The following ECT2 variants were observed in gnomAD, a reference collection of about 807,000 sequenced individuals.
The protein encoded by ECT2 is epithelial cell transforming 2.
In ECT2, 61 loss-of-function variants were observed where a neutral mutation model predicts 116.9. The observed-to-expected ratio is 0.52, with a 90% CI of 0.42 to 0.65. The LOEUF is 0.65. Ranked by LOEUF, ECT2 falls within the 30% of genes least tolerant of loss-of-function variation. The probability of loss-of-function intolerance (pLI) is 0.00; values close to 1 mark genes in which losing one functional copy is unlikely to be tolerated. For synonymous variants in ECT2, 358 were observed against 346.4 expected (o/e 1.03, Z -0.37); for missense variants, 937 against 1,078.7 (o/e 0.87, Z 1.84).
At chr3:172,803,885 G>T (rs1340790626) in intron 20 of ECT2, among the ~76,000 whole-genome samples, 1 of 151,348 alleles carries the variant, frequency 6.6e-6, no homozygotes, top group Admixed American at 6.6e-5. Flanking sequence ...GCTCACTGCA[G>T]CCTTGACTTC....
chr3:172,798,531 A>G (rs1029676095), intron 18 of ECT2, among the ~76,000 whole-genome samples: 2 of 152,190 alleles, frequency 1.3e-5, no homozygotes, highest in African/African-American at 4.8e-5. Flanking sequence ...CAAGCAGAAT[A>G]AAAATGAATT....
At chr3:172,754,396 TA>T in intron 1 of ECT2, 112 bp from the exon 2 acceptor site, 3 of 759,670 alleles carry the variant, frequency 3.9e-6, no homozygotes, top group Non-Finnish European at 6.0e-6. Context: ...TTTGGTTCAT[TA>T]AAAAAATGGG....
intron 2 of ECT2, among the ~76,000 whole-genome samples, chr3:172,755,089 G>A (rs927599130): frequency 1.3e-5 from 2 of 151,600 alleles, no homozygotes; most frequent in African/African-American, 4.9e-5. Context: ...TGTATACCCT[G>A]CTACAATATG....
chr3:172,799,225 G>C (rs1188394013), intron 18 of ECT2, among the ~76,000 whole-genome samples: 1 of 152,064 alleles, frequency 6.6e-6, no homozygotes, highest in Non-Finnish European at 1.5e-5. Context: ...AATGGGAACT[G>C]TACTGTTTCT....
rs770288275 is a variant in ECT2, at chr3:172,786,610, A to G, written c.1907+36A>G. 38 of 1,383,358 alleles carry G rather than the reference A, an allele frequency of 2.7e-5. 1 individual carries two copies. Among genetic ancestry groups the G allele is most frequent in the Non-Finnish European group, 3.7e-5 (36 of 983,116 alleles). The allele number at this position is 1,383,358 out of a possible 1,614,324, so 85.7% of individuals were successfully genotyped here. Reference sequence around the variant, plus strand: ...TATTTTCAATTTTTGATTGTGCCTTAGATTTCGAATGGAATTGATAGAAAA... The same window carrying G: ...TATTTTCAATTTTTGATTGTGCCTTGGATTTCGAATGGAATTGATAGAAAA... On this transcript the variant is annotated intron_variant, in intron 18 of 24. Coordinates refer to ENST00000392692, the MANE Select transcript of ECT2 (RefSeq NM_001258315.2).
chr3:172,756,817 T>G (rs530773355), intron 4 of ECT2, among the ~76,000 whole-genome samples, 166 bp from the exon 5 acceptor site: 1 of 152,232 alleles, frequency 6.6e-6, no homozygotes, highest in African/African-American at 2.4e-5. Context: ...GAAATATGGT[T>G]GTTCATTAAG....
intron 18 of ECT2, chr3:172,796,575 C>T (rs1725689362): frequency 6.6e-6 from 1 of 152,168 alleles, no homozygotes; most frequent in Admixed American, 6.5e-5. Flanking sequence ...CAGGCATTTT[C>T]TGTTTCGTCT....
At chr3:172,801,640 C>T (rs1726739442) in intron 18 of ECT2, among the ~76,000 whole-genome samples, 1 of 152,234 alleles carries the variant, frequency 6.6e-6, no homozygotes, top group Non-Finnish European at 1.5e-5. Flanking sequence ...TCACACTGGA[C>T]TCCCACATTT....
intron 22 of ECT2, among the ~76,000 whole-genome samples, chr3:172,814,894 G>A (rs992253222): frequency 6.6e-6 from 1 of 152,114 alleles, no homozygotes; most frequent in Non-Finnish European, 1.5e-5. Flanking sequence ...TAGAACAACA[G>A]AACTTATTTC....
At chr3:172,778,229 C>T (rs1461736240) in intron 14 of ECT2, among the ~76,000 whole-genome samples, 3 of 152,188 alleles carry the variant, frequency 2.0e-5, no homozygotes, top group Non-Finnish European at 4.4e-5. Context: ...TCTGCTCTGT[C>T]TCAGAACTGT....
At chr3:172,786,686 A>G (rs1021650008) in intron 18 of ECT2, 112 bp downstream of exon 18, 2 of 685,516 alleles carry the variant, frequency 2.9e-6, no homozygotes, top group African/African-American at 1.8e-5. Flanking sequence ...TAAAATGTCT[A>G]GATTATTTTT....
chr3:172,816,830 CATT>C lies in ECT2; in HGVS notation c.2650_2652del (p.Leu884del), dbSNP rs1340451040. The C allele has an allele frequency of 1.3e-5, 20 of 1,579,084 alleles. No individual in the cohort carries two copies. The highest frequency in any genetic ancestry group is 1.7e-5 in the Non-Finnish European group (20 of 1,158,164). ...ATGAGTCGTCTTTCTAGCACATCAT[CATT>C]AGCAGTAAGTTATTTTGATTTAATG... is the stretch of plus-strand genomic sequence containing the variant. On this transcript the variant is annotated inframe_deletion, in exon 24 of 25. Transcript: ENST00000392692.
intron 22 of ECT2, 42 bp from the exon 23 acceptor site, chr3:172,815,562 T>C: frequency 8.0e-7 from 1 of 1,246,442 alleles, no homozygotes; most frequent in Non-Finnish European, 1.1e-6. Flanking sequence ...TTAGAAACAG[T>C]TGTGTGTTTT....
chr3:172,771,305 C>G (rs867100187), intron 13 of ECT2: 9 of 152,040 alleles, frequency 5.9e-5, no homozygotes, highest in South Asian at 2.1e-4. Flanking sequence ...TAAAAACAGA[C>G]CTAGGGAAAG....
intron 18 of ECT2, among the ~76,000 whole-genome samples, chr3:172,797,005 A>G (rs970557909): frequency 2.3e-5 from 3 of 128,992 alleles, no homozygotes; most frequent in African/African-American, 8.6e-5. Context: ...TCAGATTCAT[A>G]TATCAGGTTC....
intron 12 of ECT2, among the ~76,000 whole-genome samples, chr3:172,767,227 GT>G (rs1719610253): frequency 6.6e-6 from 1 of 152,226 alleles, no homozygotes; most frequent in Non-Finnish European, 1.5e-5. Flanking sequence ...CAGATCACGA[GT>G]TCAGGAGTTC....
chr3:172,819,718 A>G (rs1730418313), intron 24 of ECT2, among the ~76,000 whole-genome samples: 1 of 152,068 alleles, frequency 6.6e-6, no homozygotes, highest in African/African-American at 2.4e-5. Context: ...AGAGTGTATG[A>G]CTTAATTTTA....
chr3:172,760,294 C>T, intron 7 of ECT2, 31 bp downstream of exon 7: 1 of 1,355,726 alleles, frequency 7.4e-7, no homozygotes, highest in Non-Finnish European at 1.0e-6. Flanking sequence ...TTGTGTATTT[C>T]AATACAGCAT....
In ECT2 at chr3:172,784,728, T is replaced by C; in HGVS notation, c.1750T>C (p.Cys584Arg). 6.2e-7 allele frequency: 1 copy of C among 1,613,568 alleles called. No homozygotes were observed. Among genetic ancestry groups the C allele is most frequent in the Non-Finnish European group, 8.5e-7 (1 of 1,179,544 alleles). The change falls in exon 17 of 25, where the codon TGT becomes CGT. Residue 584 changes from cysteine (C) to arginine (R), a missense_variant. Physicochemically the swap from Cys to Arg is radical, Grantham distance 180. Coordinates refer to ENST00000392692, the MANE Select transcript of ECT2 (RefSeq NM_001258315.2). Reference sequence around the variant, plus strand: ...TCAGATAAACCAAGCAAAACCAGAATGTGGACGGCAGAGCCTTGTTGAACT... The same window carrying C: ...TCAGATAAACCAAGCAAAACCAGAACGTGGACGGCAGAGCCTTGTTGAACT... Reference protein sequence around the residue: ...FLKINQAKPECGRQSLVELLI... With the variant: ...FLKINQAKPERGRQSLVELLI...
Sources: allele counts gnomAD v4.1 joint callset (sites outside exome capture counted in the v4.1 genomes callset), GRCh38; gene constraint gnomAD v4.1.1; transcripts MANE v1.5; gene names NCBI Gene and HGNC (gene_info 2026-07-23, HGNC 2026-07-21).